MLLT3: variants seen among roughly 807,000 people sequenced by gnomAD.
MLLT3 encodes the protein protein AF-9.
Under a neutral mutation model 53.2 loss-of-function variants are expected in MLLT3, and 4 were observed. The observed-to-expected ratio is 0.08, with a 90% CI of 0.04 to 0.17. MLLT3 has a LOEUF of 0.17. Among genes scored for constraint, MLLT3 ranks in the 10% least tolerant of loss-of-function variants. The pLI is 1.00. For synonymous variants in MLLT3, 283 were observed against 230.6 expected (o/e 1.23, Z -2.06); for missense variants, 569 against 684.0 (o/e 0.83, Z 1.87).
At chr9:20,555,429 G>A (rs1200884555) in intron 2 of MLLT3, among the ~76,000 whole-genome samples, 2 of 152,066 alleles carry the variant, frequency 1.3e-5, no homozygotes, top group African/African-American at 4.8e-5. Flanking sequence ...TTACAGGCGT[G>A]AGCCACCAGA....
intron 5 of MLLT3, among the ~76,000 whole-genome samples, chr9:20,378,133 A>AT (rs1215801831): frequency 2.8e-5 from 4 of 142,954 alleles, no homozygotes; most frequent in Admixed American, 2.7e-4. Context: ...TTAAATTTTC[A>AT]ATTTTTTGTA....
At chr9:20,499,962 T>C (rs1451880848) in intron 2 of MLLT3, among the ~76,000 whole-genome samples, 3 of 152,226 alleles carry the variant, frequency 2.0e-5, no homozygotes, top group Admixed American at 6.5e-5. Flanking sequence ...CATTCAGAGA[T>C]GCCTCTTATT....
At chr9:20,613,294 A>G (rs1309045239) in intron 2 of MLLT3, among the ~76,000 whole-genome samples, 1 of 152,178 alleles carries the variant, frequency 6.6e-6, no homozygotes, top group African/African-American at 2.4e-5. Flanking sequence ...CATGTGAATT[A>G]TATCTCAATT....
chr9:20,601,590 G>A (rs1377271472), intron 2 of MLLT3, among the ~76,000 whole-genome samples: 1 of 152,162 alleles, frequency 6.6e-6, no homozygotes, highest in Non-Finnish European at 1.5e-5. Flanking sequence ...ATTTTAGTCA[G>A]ATGGGAATAG....
At chr9:20,506,205 C>A (rs1047416887) in intron 2 of MLLT3, among the ~76,000 whole-genome samples, 2 of 152,118 alleles carry the variant, frequency 1.3e-5, no homozygotes, top group African/African-American at 2.4e-5. Flanking sequence ...CAGGTGCACA[C>A]CACCACGCCC....
chr9:20,570,060 C>T (rs1007993686), intron 2 of MLLT3, among the ~76,000 whole-genome samples: 7 of 152,140 alleles, frequency 4.6e-5, no homozygotes, highest in South Asian at 2.1e-4. Context: ...AGCTCAGTAA[C>T]GCTATTTTGC....
At chr9:20,545,537 A>G (rs1818764337) in intron 2 of MLLT3, among the ~76,000 whole-genome samples, 1 of 152,162 alleles carries the variant, frequency 6.6e-6, no homozygotes, top group African/African-American at 2.4e-5. Flanking sequence ...TTTGGAAACT[A>G]TTGGAGGGTG....
At chr9:20,575,405 A>AT (rs1433698216) in intron 2 of MLLT3, among the ~76,000 whole-genome samples, 1 of 152,106 alleles carries the variant, frequency 6.6e-6, no homozygotes, top group Non-Finnish European at 1.5e-5. Flanking sequence ...ATCATTAGCA[A>AT]TTTTTTTAGC....
chr9:20,586,274 C>T (rs1367687760), intron 2 of MLLT3, among the ~76,000 whole-genome samples: 10 of 151,516 alleles, frequency 6.6e-5, no homozygotes, highest in Non-Finnish European at 1.3e-4. Flanking sequence ...GAACCATGAT[C>T]GTGGCACTGT....
At chr9:20,564,053 C>CTAA (rs2131155371) in intron 2 of MLLT3, among the ~76,000 whole-genome samples, 1 of 152,288 alleles carries the variant, frequency 6.6e-6, no homozygotes, top group Admixed American at 6.5e-5. Context: ...GAGACACTGA[C>CTAA]TAATACACTT....
At chr9:20,375,762 C>A (rs1158868453) in intron 5 of MLLT3, among the ~76,000 whole-genome samples, 1 of 151,952 alleles carries the variant, frequency 6.6e-6, no homozygotes, top group East Asian at 1.9e-4. Flanking sequence ...GCACCTGCCA[C>A]CACGCCCGGC....
At chr9:20,561,638 T>C (rs1279125133) in intron 2 of MLLT3, among the ~76,000 whole-genome samples, 2 of 152,182 alleles carry the variant, frequency 1.3e-5, no homozygotes, top group Non-Finnish European at 1.5e-5. Context: ...CAAGAGATCC[T>C]TGACTCCAAC....
chr9:20,485,439 GACC>G (rs1824784974), intron 2 of MLLT3, among the ~76,000 whole-genome samples: 1 of 152,094 alleles, frequency 6.6e-6, no homozygotes, highest in Non-Finnish European at 1.5e-5. Flanking sequence ...ATTATTTTGA[GACC>G]ACTTTTGGCT....
At chr9:20,588,832 A>G (rs1473744447) in intron 2 of MLLT3, among the ~76,000 whole-genome samples, 2 of 152,182 alleles carry the variant, frequency 1.3e-5, no homozygotes, top group Non-Finnish European at 2.9e-5. Flanking sequence ...ACACATGAAA[A>G]AATGCTCACC....
chr9:20,352,903 A>C lies in MLLT3; in HGVS notation c.1575+622T>G, dbSNP rs567529958. On this transcript the variant is annotated intron_variant, in intron 10 of 10. Transcript: ENST00000380338. Reference sequence around the variant, plus strand: ...AATTACCAATAGCTGCTGGTAGTGCAACAGAGGCATACATCATTAACTGAA... The same window carrying C: ...AATTACCAATAGCTGCTGGTAGTGCCACAGAGGCATACATCATTAACTGAA... Among the ~76,000 whole-genome samples the C allele has an allele frequency of 5.3e-5, 8 of 152,250 alleles. No homozygotes were observed. In the East Asian group the frequency reaches 1.2e-3, roughly 22 times the overall value.
chr9:20,603,898 G>T (rs1820500393), intron 2 of MLLT3, among the ~76,000 whole-genome samples: 1 of 152,052 alleles, frequency 6.6e-6, no homozygotes, highest in African/African-American at 2.4e-5. Flanking sequence ...TGAGAGTCTT[G>T]ATTACATGAA....
chr9:20,532,256 A>G (rs1818358094), intron 2 of MLLT3, among the ~76,000 whole-genome samples: 1 of 152,100 alleles, frequency 6.6e-6, no homozygotes, highest in Non-Finnish European at 1.5e-5. Context: ...GCAATACTTT[A>G]AAAGATTACC....
chr9:20,419,805 G>A (rs1281138160), intron 4 of MLLT3, among the ~76,000 whole-genome samples: 1 of 152,112 alleles, frequency 6.6e-6, no homozygotes, highest in Non-Finnish European at 1.5e-5. Flanking sequence ...AAAGAGTCTA[G>A]TCAAACAATA....
At chr9:20,613,921 T>A (rs1820760451) in intron 2 of MLLT3, among the ~76,000 whole-genome samples, 1 of 152,106 alleles carries the variant, frequency 6.6e-6, no homozygotes, top group Non-Finnish European at 1.5e-5. Context: ...AGAAAAACCA[T>A]TAAAATGAAT....
Sources: allele counts gnomAD v4.1 joint callset (sites outside exome capture counted in the v4.1 genomes callset), GRCh38; gene constraint gnomAD v4.1.1; transcripts MANE v1.5; gene names NCBI Gene and HGNC (gene_info 2026-07-23, HGNC 2026-07-21).